CYP2D6: variants seen among roughly 807,000 people sequenced by gnomAD.
CYP2D6 encodes cytochrome P450 2D6.
A neutral mutation model predicts 43.5 loss-of-function variants in CYP2D6; 51 were observed. The ratio of observed to expected loss-of-function variants is 1.17; its 90% CI spans 0.94 to 1.48. CYP2D6 has a LOEUF of 1.48. Among genes scored for constraint, CYP2D6 ranks in the 40% most tolerant of loss-of-function variants. The probability of loss-of-function intolerance (pLI) is 0.00; values close to 1 mark genes in which losing one functional copy is unlikely to be tolerated. For missense variants in CYP2D6, 698 were observed against 688.0 expected (o/e 1.01, Z -0.16); for synonymous variants, 346 against 297.1 (o/e 1.16, Z -1.69).
In CYP2D6 at chr22:42,129,788, C is replaced by T. The variant is rs2146941106; in HGVS notation, c.302G>A (p.Arg101His). 1.9e-6 allele frequency: 3 copies of T among 1,607,924 alleles called. No individual in the cohort carries two copies. Among genetic ancestry groups the T allele is most frequent in the East Asian group, 2.2e-5 (1 of 44,726 alleles). ...GATCTGGGTGATGGGCACAGGCGGGCGGTCGGCGGTGTCCTCGCCGTGGGT... is the reference window on the plus strand; with the variant it reads ...GATCTGGGTGATGGGCACAGGCGGGTGGTCGGCGGTGTCCTCGCCGTGGGT... The part of the protein sequence containing the change: ...LVTHGEDTAD[R>H]PPVPITQILG... The change falls in exon 2 of 9, where the codon CGC becomes CAC. Residue 101 changes from arginine to histidine, a missense_variant. Transcript: ENST00000645361.
At chr22:42,128,386 T>G (rs748301261) in intron 4 of CYP2D6, 36 bp from the exon 5 acceptor site, 9 of 1,601,666 alleles carry the variant, frequency 5.6e-6, no homozygotes, top group African/African-American at 5.4e-5. Flanking sequence ...ATCCCTCCTG[T>G]GCTCTGCGTT....
chr22:42,128,985 C>T (rs1032479478), intron 3 of CYP2D6, 41 bp from the exon 4 acceptor site: 4 of 1,585,938 alleles, frequency 2.5e-6, no homozygotes, highest in Non-Finnish European at 3.4e-6. Flanking sequence ...CCTTCCCCGT[C>T]CCCCGCCTTC....
intron 1 of CYP2D6, chr22:42,130,302 T>G (rs1486741835): frequency 1.9e-6 from 1 of 532,208 alleles, no homozygotes; most frequent in Non-Finnish European, 3.3e-6. Flanking sequence ...CATCTTCCAT[T>G]CCCAAGGCCT....
chr22:42,129,290 T>G, intron 2 of CYP2D6, 105 bp from the exon 3 acceptor site: 1 of 1,407,702 alleles, frequency 7.1e-7, no homozygotes, highest in Non-Finnish European at 9.8e-7. Flanking sequence ...AGTCCCTGGC[T>G]CTGTCCAGCT....
At chr22:42,129,459 C>A in intron 2 of CYP2D6, 2 of 730,782 alleles carry the variant, frequency 2.7e-6, no homozygotes, top group Non-Finnish European at 4.8e-6. Context: ...GGTGCGGTCC[C>A]CGCCCCCCAC....
chr22:42,128,333 G>A lies in CYP2D6; in HGVS notation c.684C>T (p.Pro228=), dbSNP rs1026161801. 7 of 1,610,248 alleles carry A rather than the reference G, an allele frequency of 4.3e-6. No homozygotes were observed. The highest frequency in any genetic ancestry group is 5.9e-6 in the Non-Finnish European group (7 of 1,177,880). The change falls in exon 5 of 9, where the codon CCC becomes CCT. Residue 228 remains proline (P), a synonymous_variant. Coordinates refer to ENST00000645361, the MANE Select transcript of CYP2D6 (RefSeq NM_000106.6). ...CCAGCGCTGGGATATGCAGGAGGAC[G>A]GGGACAGCATTCAGCACCTACACCA... The part of the protein sequence containing the change: ...GFLREVLNAV[P]VLLHIPALAG...
chr22:42,129,509 C>G (rs1931664770), intron 2 of CYP2D6: 3 of 728,082 alleles, frequency 4.1e-6, no homozygotes, highest in Non-Finnish European at 7.1e-6. Context: ...GCCAGCCTCA[C>G]CCATTGGGCT....
In CYP2D6 at chr22:42,126,678, A is replaced by T; in HGVS notation, c.1390T>A (p.Phe464Ile). ...TGTCCAGTGGGCACCGAGAAGCTGA[A>T]GTGCTGCAGCAGGGAGGTGAAGAAG... ...FLFFTSLLQH[F>I]SFSVPTGQPR... Residue 464 changes from phenylalanine (F) to isoleucine (I), a missense_variant, in exon 9 of 9, where the codon TTC becomes ATC. By Grantham distance (21) the Phe-to-Ile change is conservative. Transcript: ENST00000645361. 6.2e-7 allele frequency: 1 copy of T among 1,604,548 alleles called. No homozygotes were observed. Among genetic ancestry groups the T allele is most frequent in the Middle Eastern group, 1.7e-4 (1 of 5,842 alleles).
Position 42,129,922 on chromosome 22 carries a change from G to C in CYP2D6, c.181-13C>G. The C allele has an allele frequency of 6.5e-7, 1 of 1,542,300 alleles. No homozygotes were observed. The highest frequency in any genetic ancestry group is 1.4e-5 in the African/African-American group (1 of 70,702). On this transcript the variant is annotated splice_polypyrimidine_tract_variant and intron_variant, in intron 1 of 8. Transcript: ENST00000645361. ...AGCGGCGCCGCAACTGCAGAGGGAG[G>C]GTCAGGGCCTCTTGTCAAGCCAGGA...
rs372780432 is a variant in CYP2D6 at position 42,126,685 on chromosome 22, C to T, written c.1383G>A (p.Leu461=). ...MELFLFFTSL[L]QHFSFSVPTG... is the part of the protein sequence containing the mutation. Reference sequence around the variant, plus strand: ...TGGGCACCGAGAAGCTGAAGTGCTGCAGCAGGGAGGTGAAGAAGAGGAAGA... The same window carrying T: ...TGGGCACCGAGAAGCTGAAGTGCTGTAGCAGGGAGGTGAAGAAGAGGAAGA... The change falls in exon 9 of 9, where the codon CTG becomes CTA. Residue 461 remains leucine, a synonymous_variant. Coordinates refer to ENST00000645361, the MANE Select transcript of CYP2D6 (RefSeq NM_000106.6). 1.2e-5 allele frequency: 19 copies of T among 1,601,460 alleles called. 1 individual carries two copies. The African/African-American group carries it at 1.9e-4, about 16-fold the overall frequency.
Position 42,129,314 on chromosome 22 carries a change from A to G in CYP2D6, c.353-129T>C, listed in dbSNP as rs776630220. ...CTCTGTCCAGCTGGTCACAGGGCCC[A>G]CTCTTTGTGCATCCACCTTGCTCCC... On this transcript the variant is annotated intron_variant, in intron 2 of 8. Coordinates refer to ENST00000645361, the MANE Select transcript of CYP2D6 (RefSeq NM_000106.6). 40 of 1,223,962 alleles carry G rather than the reference A, an allele frequency of 3.3e-5. 1 individual carries two copies. Among genetic ancestry groups the G allele is most frequent in the Non-Finnish European group, 4.5e-5 (39 of 860,462 alleles). The allele number at this position is 1,223,962 out of a possible 1,614,324, so 75.8% of individuals were successfully genotyped here. A position where few individuals can be genotyped will look rare whatever the true frequency, so the allele number is the denominator to read the frequency against.
Position 42,128,802 on chromosome 22 carries a change from C to T in CYP2D6, c.648G>A (p.Glu216=), listed in dbSNP as rs748851484. The change falls in exon 4 of 9, where the codon GAG becomes GAA. Residue 216 remains glutamate, a synonymous_variant. Transcript: ENST00000645361. The part of the protein sequence containing the change: ...LDLAQEGLKE[E]SGFLREVLNA... ...TCCGCACCTCGCGCAGAAAGCCCGA[C>T]TCCTCCTTCAGTCCCTCCTGAGCTA... 1 of 1,607,586 alleles carries T rather than the reference C, an allele frequency of 6.2e-7. No homozygotes were observed. Among genetic ancestry groups the T allele is most frequent in the Non-Finnish European group, 8.5e-7 (1 of 1,176,468 alleles).
chr22:42,129,238 T>C lies in CYP2D6; in HGVS notation c.353-53A>G, dbSNP rs893430796. 5.2e-5 allele frequency: 83 copies of C among 1,581,566 alleles called. 3 individuals are homozygous for C. In the South Asian group the frequency reaches 6.8e-4, roughly 13 times the overall value. On this transcript the variant is annotated intron_variant, in intron 2 of 8. Coordinates refer to ENST00000645361, the MANE Select transcript of CYP2D6 (RefSeq NM_000106.6). ...GGCCATGAAGGCATTAGCCCCACCA[T>C]CCACCACCCACTCCAACCCTATGCT...
At chr22:42,129,992 C>G (rs1307914079) in intron 1 of CYP2D6, 83 bp from the exon 2 acceptor site, 2 of 1,373,172 alleles carry the variant, frequency 1.5e-6, no homozygotes, top group Admixed American at 4.3e-5. Context: ...CCTTGGACGA[C>G]CCCCGGGGCT....
At chr22:42,129,622 CCA>C in intron 2 of CYP2D6, 114 bp downstream of exon 2, 8 of 1,395,172 alleles carry the variant, frequency 5.7e-6, no homozygotes, top group Non-Finnish European at 8.0e-6. Flanking sequence ...CCCGCTGTCC[CCA>C]CTCGCTGGCC....
At position 42,127,916 on chromosome 22, in the gene CYP2D6, G is replaced by C. The variant is rs748572154; in HGVS notation, c.911C>G (p.Ser304Cys). 1.9e-6 allele frequency: 3 copies of C among 1,610,464 alleles called. No individual in the cohort carries two copies. Among genetic ancestry groups the C allele is most frequent in the South Asian group, 1.1e-5 (1 of 90,916 alleles). Reference sequence around the variant, plus strand: ...GGTCGAGGTGGTCACCATCCCGGCAGAGAACAGGTCAGCCACCACTATGCG... The same window carrying C: ...GGTCGAGGTGGTCACCATCCCGGCACAGAACAGGTCAGCCACCACTATGCG... ...NLRIVVADLF[S>C]AGMVTTSTTL... The change falls in exon 6 of 9, where the codon TCT (serine) becomes TGT (cysteine). Residue 304 changes from serine (S) to cysteine (C), a missense_variant. By Grantham distance (112) the Ser-to-Cys change is moderately radical. Coordinates refer to ENST00000645361, the MANE Select transcript of CYP2D6 (RefSeq NM_000106.6).
Position 42,129,727 on chromosome 22 carries a change from C to A in CYP2D6, c.352+11G>T. 1 of 1,609,740 alleles carries A rather than the reference C, an allele frequency of 6.2e-7. No individual in the cohort carries two copies. On this transcript the variant is annotated intron_variant, in intron 2 of 8. Transcript: ENST00000645361. ...CCACGGAAATCTGTCTCTGTCCCCA[C>A]CGCTGCTTGCCTTGGGAACGCGGCC... is the stretch of plus-strand genomic sequence containing the variant.
intron 2 of CYP2D6, chr22:42,129,498 C>G (rs189736703): frequency 2.8e-6 from 2 of 722,370 alleles, no homozygotes; most frequent in Non-Finnish European, 4.8e-6. Context: ...CTGGGAAATG[C>G]GCCAGCCTCA....
At position 42,127,867 on chromosome 22, in the gene CYP2D6, G is replaced by C. The variant is rs777148766; in HGVS notation, c.960C>G (p.Leu320=). Residue 320 remains leucine (L), a synonymous_variant, in exon 6 of 9, where the codon CTC becomes CTG. Coordinates refer to ENST00000645361, the MANE Select transcript of CYP2D6 (RefSeq NM_000106.6). ...GCTGCACATCCGGATGTAGGATCAT[G>C]AGCAGGAGGCCCCAGGCCAGCGTGG... ...TSTTLAWGLL[L]MILHPDVQRR... is the part of the protein sequence containing the mutation. 9.9e-6 allele frequency: 16 copies of C among 1,611,090 alleles called. No individual in the cohort carries two copies. Among genetic ancestry groups the C allele is most frequent in the African/African-American group, 1.3e-5 (1 of 74,336 alleles).
Sources: gnomAD v4.1 joint callset for allele counts on GRCh38, gnomAD v4.1.1 for gene constraint, MANE v1.5 for transcripts, NCBI Gene and HGNC (gene_info 2026-07-23, HGNC 2026-07-21) for gene names.